PDE1C: variants seen among roughly 807,000 people sequenced by gnomAD.
The protein encoded by PDE1C is dual specificity calcium/calmodulin-dependent 3',5'-cyclic nucleotide phosphodiesterase 1C.
In PDE1C, 62 loss-of-function variants were observed where a neutral mutation model predicts 93.1. That is an observed-to-expected ratio of 0.67 (90% CI 0.54 to 0.82). PDE1C has a LOEUF of 0.82. Among genes scored for constraint, PDE1C ranks in the 40% least tolerant of loss-of-function variants. PDE1C has a pLI of 0.00. For missense variants in PDE1C, 742 were observed against 884.6 expected, an observed-to-expected ratio of 0.84 and a Z score of 2.04; for synonymous variants, 325 against 310.1, an observed-to-expected ratio of 1.05 and a Z score of -0.50.
chr7:32,371,219 T>C (rs975772548), intron 1 of PDE1C, among the ~76,000 whole-genome samples: 3 of 152,186 alleles, frequency 2.0e-5, no homozygotes, highest in Admixed American at 6.5e-5. Flanking sequence ...ATTCTTGTTT[T>C]TGCCTACCCA....
chr7:32,206,085 G>C (rs577177695), intron 2 of PDE1C, among the ~76,000 whole-genome samples: 8 of 152,118 alleles, frequency 5.3e-5, no homozygotes, highest in Non-Finnish European at 1.2e-4. Flanking sequence ...AAGGTTACCT[G>C]CTCAACGCGG....
At chr7:31,998,200 T>C (rs2128552580) in intron 2 of PDE1C, among the ~76,000 whole-genome samples, 1 of 152,062 alleles carries the variant, frequency 6.6e-6, no homozygotes, top group African/African-American at 2.4e-5. Flanking sequence ...TTTGTATTTT[T>C]AGTAGAGACA....
the PDE1C span, among the ~76,000 whole-genome samples, chr7:31,630,508 T>C: frequency 2.0e-5 from 3 of 152,148 alleles, no homozygotes; most frequent in African/African-American, 7.2e-5. Flanking sequence ...ATTAGTAATG[T>C]TGAACTAATA....
In PDE1C at chr7:32,179,265, CTTT is replaced by C. The variant is rs3079597; in HGVS notation, c.137-9312_137-9310del. Among the ~76,000 whole-genome samples, 77 of 131,324 alleles carry C rather than the reference CTTT, an allele frequency of 5.9e-4. No homozygotes were observed. The East Asian group carries it at 8.2e-3, about 14-fold the overall frequency. The allele number at this position is 131,324 out of a possible 152,430, so 86.2% of individuals were successfully genotyped here. A position where few individuals can be genotyped will look rare whatever the true frequency, so the allele number is the denominator to read the frequency against. ...CAACTAGGAAGAGTCCTGACTTAGTCTTTTTTTTTTTTTTTTTGGAGTCTCACT... is the reference window on the plus strand; with the variant it reads ...CAACTAGGAAGAGTCCTGACTTAGTCTTTTTTTTTTTTTTGGAGTCTCACT... On this transcript the variant is annotated intron_variant, in intron 2 of 18. Transcript: ENST00000396193.
chr7:31,710,969 G>T, the PDE1C span, among the ~76,000 whole-genome samples: 39 of 152,256 alleles, frequency 2.6e-4, no homozygotes, highest in African/African-American at 9.1e-4. Context: ...GCTCTACCTT[G>T]GACACTCCAA....
At chr7:32,063,168 T>C (rs989864479) in intron 1 of PDE1C, among the ~76,000 whole-genome samples, 25 of 152,266 alleles carry the variant, frequency 1.6e-4, no homozygotes, top group African/African-American at 4.3e-4. Flanking sequence ...ACTCCGATGA[T>C]GGTCATTCTC....
At chr7:31,875,397 G>A (rs151029948) in intron 5 of PDE1C, among the ~76,000 whole-genome samples, 146 of 152,232 alleles carry the variant, frequency 9.6e-4, no homozygotes, top group African/African-American at 3.3e-3. Context: ...GGAAGGCTTA[G>A]CTGTAATTCT....
At chr7:31,702,087 T>A in the PDE1C span, among the ~76,000 whole-genome samples, 1,002 of 152,338 alleles carry the variant, frequency 6.6e-3, 9 homozygotes, top group African/African-American at 0.023. Context: ...TTTCCATGGA[T>A]CTTTTTCTGG....
chr7:31,843,633 A>G (rs938690169), intron 9 of PDE1C, among the ~76,000 whole-genome samples: 3 of 151,840 alleles, frequency 2.0e-5, no homozygotes, highest in African/African-American at 7.2e-5. Context: ...TATCAATTCT[A>G]ATAACCTTTT....
intron 2 of PDE1C, among the ~76,000 whole-genome samples, chr7:32,021,427 CA>C (rs560724942): frequency 2.0e-5 from 3 of 152,068 alleles, no homozygotes; most frequent in Non-Finnish European, 4.4e-5. Flanking sequence ...GTTCTTTCCA[CA>C]ATAACTTTCT....
chr7:31,679,485 A>G, the PDE1C span, among the ~76,000 whole-genome samples: 2 of 152,232 alleles, frequency 1.3e-5, no homozygotes, highest in Admixed American at 6.5e-5. Flanking sequence ...TTTTTTCCAC[A>G]TCATAAAAAC....
the PDE1C span, among the ~76,000 whole-genome samples, chr7:31,706,251 C>CA: frequency 6.6e-6 from 1 of 151,838 alleles, no homozygotes; most frequent in Non-Finnish European, 1.5e-5. Flanking sequence ...GCAATCCACC[C>CA]ACCTTGGCCT....
chr7:32,074,262 C>G (rs1449515497), upstream of PDE1C, among the ~76,000 whole-genome samples: 1 of 152,076 alleles, frequency 6.6e-6, no homozygotes. Flanking sequence ...TGAGAATGAC[C>G]CCCCTGGTCT....
the PDE1C span, among the ~76,000 whole-genome samples, chr7:31,648,754 T>C: frequency 6.6e-6 from 1 of 152,220 alleles, no homozygotes. Flanking sequence ...GATGGGAAGC[T>C]ACTAGAACCA....
intron 2 of PDE1C, among the ~76,000 whole-genome samples, chr7:32,009,433 G>C (rs900832495): frequency 6.6e-6 from 1 of 152,210 alleles, no homozygotes; most frequent in Non-Finnish European, 1.5e-5. Context: ...GCTAAGTAAG[G>C]ATGAACGCAT....
chr7:31,711,628 T>C, the PDE1C span, among the ~76,000 whole-genome samples: 1 of 152,080 alleles, frequency 6.6e-6, no homozygotes. Flanking sequence ...TTTGAATGAG[T>C]AAGTATATTA....
chr7:32,288,778 T>C (rs1254248080), intron 1 of PDE1C, among the ~76,000 whole-genome samples: 1 of 152,254 alleles, frequency 6.6e-6, no homozygotes, highest in Non-Finnish European at 1.5e-5. Flanking sequence ...GCTTAAATCC[T>C]ATGGCGTTAA....
intron 2 of PDE1C, among the ~76,000 whole-genome samples, chr7:32,185,247 G>GAAAAAAAAAAAAAAAAAAAAAAAA (rs60570476): frequency 9.8e-6 from 1 of 101,588 alleles, no homozygotes; most frequent in Admixed American, 1.2e-4. Context: ...CTCTGTCTCA[G>GAAAAAAAAAAAAAAAAAAAAAAAA]AAAAAAAAAA....
chr7:32,244,114 G>C (rs916159718), intron 1 of PDE1C, among the ~76,000 whole-genome samples: 1 of 152,178 alleles, frequency 6.6e-6, no homozygotes, highest in African/African-American at 2.4e-5. Flanking sequence ...AATGAAGGCA[G>C]CACCCCACAC....
Sources: allele counts gnomAD v4.1 joint callset (sites outside exome capture counted in the v4.1 genomes callset), GRCh38; gene constraint gnomAD v4.1.1; transcripts MANE v1.5; gene names NCBI Gene and HGNC (gene_info 2026-07-23, HGNC 2026-07-21).